Variants in MBD5 observed in about 807,000 individuals in gnomAD.
The protein encoded by MBD5 is methyl-CpG-binding domain protein 5.
Under a neutral mutation model 117.3 loss-of-function variants are expected in MBD5, and 13 were observed. That is an observed-to-expected ratio of 0.11 (90% confidence interval 0.07 to 0.18). The LOEUF (loss-of-function observed/expected upper bound fraction) is 0.18. MBD5 is among the 10% of genes least tolerant of loss of function. MBD5 has a pLI of 1.00. For synonymous variants in MBD5, 727 were observed against 766.4 expected (o/e 0.95, Z 0.85); for missense variants, 1,879 against 2,093.8 (o/e 0.90, Z 2.00).
At position 148,066,850 on chromosome 2, in the gene MBD5, G is replaced by A. The variant is rs543398448; in HGVS notation, c.-925+45166G>A. Among the ~76,000 whole-genome samples the A allele has an allele frequency of 1.8e-4, 28 of 152,174 alleles. 1 individual carries two copies. The highest frequency in any genetic ancestry group is 6.5e-4 in the African/African-American group (27 of 41,522). On this transcript the variant is annotated intron_variant, in intron 1 of 13. Coordinates refer to ENST00000642680, the MANE Select transcript of MBD5 (RefSeq NM_001378120.1). Reference sequence around the variant, plus strand: ...TGCAGAATGTACTTCATTTACCTGCGTTTGTCTCATTCTAACTTAAGACTT... The same window carrying A: ...TGCAGAATGTACTTCATTTACCTGCATTTGTCTCATTCTAACTTAAGACTT...
At chr2:148,315,896 C>T (rs1224692126) in intron 3 of MBD5, among the ~76,000 whole-genome samples, 1 of 152,192 alleles carries the variant, frequency 6.6e-6, no homozygotes, top group Non-Finnish European at 1.5e-5. Flanking sequence ...CTGTAAAGAA[C>T]TGCCTAAGAC....
At chr2:148,144,227 T>A (rs1697389976) in intron 1 of MBD5, among the ~76,000 whole-genome samples, 1 of 152,042 alleles carries the variant, frequency 6.6e-6, no homozygotes, top group South Asian at 2.1e-4. Context: ...ATGTGTCTGT[T>A]GGCTGCATAA....
chr2:148,274,727 T>TG (rs1248678456), intron 3 of MBD5, among the ~76,000 whole-genome samples: 3 of 116,780 alleles, frequency 2.6e-5, no homozygotes, highest in Admixed American at 8.4e-5. Flanking sequence ...GTTTTTTTGT[T>TG]TTTTTTTTTT....
intron 2 of MBD5, among the ~76,000 whole-genome samples, chr2:148,180,264 A>G (rs1449227438): frequency 6.7e-6 from 1 of 149,126 alleles, no homozygotes; most frequent in African/African-American, 2.5e-5. Flanking sequence ...TTTCTGAATT[A>G]TAATGATTAG....
intron 3 of MBD5, among the ~76,000 whole-genome samples, chr2:148,312,410 C>A (rs1702054568): frequency 1.3e-5 from 2 of 152,088 alleles, no homozygotes; most frequent in African/African-American, 4.8e-5. Flanking sequence ...GATCTTCAAT[C>A]TCTGATATCC....
At chr2:148,487,875 A>G (rs747176253) in intron 10 of MBD5, among the ~76,000 whole-genome samples, 1 of 152,236 alleles carries the variant, frequency 6.6e-6, no homozygotes, top group Non-Finnish European at 1.5e-5. Flanking sequence ...TTATTTCTGA[A>G]AAAAACTTAA....
Position 148,515,068 on chromosome 2 carries a change from C to A in MBD5, c.*2127C>A, listed in dbSNP as rs1022904853. The A allele has an allele frequency of 3.3e-5, 5 of 152,140 alleles. No homozygotes were observed. The highest frequency in any genetic ancestry group is 1.2e-4 in the African/African-American group (5 of 41,426). 9.4% of individuals were successfully genotyped at this position (152,140 alleles called of 1,614,324 possible). ...AGTTGATGTGGCTAGTATGTTTAAA[C>A]CATTAATGTCCATTTTTTTTGCACC... On this transcript the variant is annotated 3_prime_UTR_variant, in exon 14 of 14. Coordinates refer to ENST00000642680, the MANE Select transcript of MBD5 (RefSeq NM_001378120.1).
intron 4 of MBD5, among the ~76,000 whole-genome samples, chr2:148,435,129 T>A (rs2105360272): frequency 6.6e-6 from 1 of 152,310 alleles, no homozygotes; most frequent in Non-Finnish European, 1.5e-5. Context: ...TTTTTCTCCA[T>A]CCCTTTACTT....
chr2:148,181,764 T>C (rs11676430), intron 2 of MBD5, among the ~76,000 whole-genome samples: 54,679 of 151,912 alleles, frequency 0.36, 10,915 homozygotes, highest in South Asian at 0.5. Context: ...AAATATCTGC[T>C]TCCATTCTTT....
In MBD5 at chr2:148,315,346, C is replaced by T. The variant is rs183805162; in HGVS notation, c.-679-26868C>T. Among the ~76,000 whole-genome samples the T allele has an allele frequency of 1.1e-4, 17 of 152,286 alleles. No homozygotes were observed. The East Asian group carries it at 3.3e-3, about 29-fold the overall frequency. On this transcript the variant is annotated intron_variant, in intron 3 of 13. Transcript: ENST00000642680. ...CACAAGCTCAATATTTCCTTGAAGT[C>T]TCTTGTTTTACATTAAAAATTCACA...
At chr2:148,234,602 G>A (rs928629157) in intron 3 of MBD5, among the ~76,000 whole-genome samples, 1 of 152,106 alleles carries the variant, frequency 6.6e-6, no homozygotes, top group Non-Finnish European at 1.5e-5. Flanking sequence ...AGAGTTTATG[G>A]AACCATGAAG....
chr2:148,292,769 C>A (rs898822564), intron 3 of MBD5, among the ~76,000 whole-genome samples: 1 of 152,102 alleles, frequency 6.6e-6, no homozygotes, highest in East Asian at 1.9e-4. Context: ...TCTGTGCACT[C>A]CCAAGTTTGT....
At chr2:148,144,863 G>A (rs927254879) in intron 1 of MBD5, among the ~76,000 whole-genome samples, 8 of 152,186 alleles carry the variant, frequency 5.3e-5, no homozygotes, top group Non-Finnish European at 1.2e-4. Flanking sequence ...TTGTAGTATA[G>A]TTTGAAGCCA....
At chr2:148,353,974 T>C (rs376344176) in intron 4 of MBD5, among the ~76,000 whole-genome samples, 62 of 152,274 alleles carry the variant, frequency 4.1e-4, no homozygotes, top group Non-Finnish European at 1.8e-4. Context: ...TCTTTGTGAT[T>C]GCCCTCATCA....
At chr2:148,131,291 ACGC>A (rs1697041545) in intron 1 of MBD5, among the ~76,000 whole-genome samples, 1 of 152,152 alleles carries the variant, frequency 6.6e-6, no homozygotes, top group Non-Finnish European at 1.5e-5. Flanking sequence ...TTACCTAGAT[ACGC>A]TGTATGACAT....
intron 4 of MBD5, among the ~76,000 whole-genome samples, chr2:148,364,260 G>A (rs1274574323): frequency 1.3e-5 from 2 of 152,046 alleles, no homozygotes; most frequent in African/African-American, 4.8e-5. Context: ...CATAAGCGAA[G>A]GATAAATAAA....
intron 4 of MBD5, among the ~76,000 whole-genome samples, chr2:148,349,160 C>T (rs1574320305): frequency 6.6e-6 from 1 of 151,680 alleles, no homozygotes; most frequent in African/African-American, 2.4e-5. Flanking sequence ...AGTTAAAAAG[C>T]GCTACGCTAA....
chr2:148,350,753 GA>G (rs1703229836), intron 4 of MBD5, among the ~76,000 whole-genome samples: 1 of 151,886 alleles, frequency 6.6e-6, no homozygotes, highest in African/African-American at 2.4e-5. Flanking sequence ...TTGTTTCTAG[GA>G]TTGAGCATTG....
intron 4 of MBD5, among the ~76,000 whole-genome samples, chr2:148,358,504 GGCTCACGCCTGTAAGT>G (rs538158587): frequency 1.9e-4 from 29 of 151,996 alleles, no homozygotes; most frequent in Non-Finnish European, 3.7e-4. Flanking sequence ...TGGGTGCAGT[GGCTCACGCCTGTAAGT>G]GCTCACACAG....
Sources: gnomAD v4.1 joint callset for allele counts (sites outside exome capture counted in the v4.1 genomes callset) on GRCh38, gnomAD v4.1.1 for gene constraint, MANE v1.5 for transcripts, NCBI Gene and HGNC (gene_info 2026-07-23, HGNC 2026-07-21) for gene names.